Variants in PDE12 observed in about 807,000 individuals in gnomAD.
PDE12 encodes the protein 2',5'-phosphodiesterase 12.
A neutral mutation model predicts 45.4 loss-of-function variants in PDE12; 26 were observed. That is an observed-to-expected ratio of 0.57 (90% CI 0.42 to 0.79). The LOEUF (loss-of-function observed/expected upper bound fraction) is 0.79. Ranked by LOEUF, PDE12 falls within the 30% of genes least tolerant of loss-of-function variation. The pLI, the probability that PDE12 is intolerant of heterozygous loss-of-function variation, is 0.00. For synonymous variants in PDE12, 283 were observed against 323.9 expected, an observed-to-expected ratio of 0.87 and a Z score of 1.36; for missense variants, 668 against 790.0, an observed-to-expected ratio of 0.85 and a Z score of 1.85.
the PDE12 span, among the ~76,000 whole-genome samples, chr3:57,603,557 G>C: frequency 6.6e-6 from 1 of 150,866 alleles, no homozygotes; most frequent in Non-Finnish European, 1.5e-5. Flanking sequence ...GGCTGGTCTT[G>C]AACTCCTGGC....
At chr3:57,582,105 G>A in the PDE12 span, among the ~76,000 whole-genome samples, 1 of 152,068 alleles carries the variant, frequency 6.6e-6, no homozygotes, top group Non-Finnish European at 1.5e-5. Context: ...CAGAAACAGT[G>A]GTTTCTGGTC....
the PDE12 span, chr3:57,645,638 C>T: frequency 6.4e-7 from 1 of 1,556,180 alleles, no homozygotes; most frequent in African/African-American, 1.4e-5. Flanking sequence ...AATACCTGGT[C>T]AATAGAAGTT....
the PDE12 span, among the ~76,000 whole-genome samples, chr3:57,587,234 G>C: frequency 1.3e-5 from 2 of 149,690 alleles, no homozygotes; most frequent in African/African-American, 4.9e-5. Context: ...CAGGAGACTC[G>C]CTTGAACCCA....
At chr3:57,655,105 C>T in the PDE12 span, among the ~76,000 whole-genome samples, 3 of 151,702 alleles carry the variant, frequency 2.0e-5, no homozygotes, top group African/African-American at 4.8e-5. Context: ...ACGATCTCAG[C>T]TCACTGCAAC....
chr3:57,593,755 A>G, the PDE12 span, among the ~76,000 whole-genome samples: 1 of 152,160 alleles, frequency 6.6e-6, no homozygotes, highest in Non-Finnish European at 1.5e-5. Flanking sequence ...AGGACAATGC[A>G]GCCAGGCTCA....
the PDE12 span, among the ~76,000 whole-genome samples, chr3:57,643,115 C>T: frequency 6.6e-6 from 1 of 151,474 alleles, no homozygotes; most frequent in Non-Finnish European, 1.5e-5. Flanking sequence ...ACATGAGAGG[C>T]AGTAAGACTG....
chr3:57,637,485 G>C, the PDE12 span, among the ~76,000 whole-genome samples: 1 of 151,998 alleles, frequency 6.6e-6, no homozygotes, highest in African/African-American at 2.4e-5. Flanking sequence ...CTTCCCTCTT[G>C]GTTCTAAAGA....
chr3:57,587,557 T>C, the PDE12 span, among the ~76,000 whole-genome samples: 2 of 152,076 alleles, frequency 1.3e-5, no homozygotes, highest in African/African-American at 4.8e-5. Context: ...ATTACTTTTA[T>C]GAAAAGAGAA....
chr3:57,651,203 A>G, the PDE12 span, among the ~76,000 whole-genome samples: 2 of 152,222 alleles, frequency 1.3e-5, no homozygotes, highest in Admixed American at 6.5e-5. Context: ...CGCATTCAGT[A>G]TGCTCCTCAA....
At chr3:57,638,537 A>C in the PDE12 span, among the ~76,000 whole-genome samples, 1 of 152,038 alleles carries the variant, frequency 6.6e-6, no homozygotes, top group Admixed American at 6.5e-5. Context: ...GCATGCCTGT[A>C]ATCTCAGCGA....
chr3:57,652,072 T>A, the PDE12 span, among the ~76,000 whole-genome samples: 6 of 152,060 alleles, frequency 3.9e-5, no homozygotes. Context: ...AATAAATAAA[T>A]AACATCTGTC....
the PDE12 span, among the ~76,000 whole-genome samples, chr3:57,640,280 A>C: frequency 2.0e-5 from 3 of 146,666 alleles, no homozygotes; most frequent in Admixed American, 1.3e-4. Flanking sequence ...AAAAAAAAAA[A>C]CAAAAAAAAA....
At chr3:57,631,007 G>T in the PDE12 span, 3 of 1,602,048 alleles carry the variant, frequency 1.9e-6, no homozygotes, top group East Asian at 4.5e-5. Context: ...TTAATAAAAG[G>T]AGTGTCTTCA....
the PDE12 span, chr3:57,572,384 TC>T: frequency 1.0e-6 from 1 of 996,904 alleles, no homozygotes; most frequent in Non-Finnish European, 1.6e-6. Flanking sequence ...AACTTAAGAG[TC>T]TTTTCACACC....
At chr3:57,576,637 G>T in the PDE12 span, among the ~76,000 whole-genome samples, 256 of 151,074 alleles carry the variant, frequency 1.7e-3, no homozygotes, top group African/African-American at 6.0e-3. Context: ...TAGGAGGAAT[G>T]AACAAGAATT....
the PDE12 span, among the ~76,000 whole-genome samples, chr3:57,634,118 T>A: frequency 1.3e-5 from 2 of 151,976 alleles, no homozygotes; most frequent in Non-Finnish European, 2.9e-5. Flanking sequence ...GTCTCCTGAT[T>A]TTCATAAAAC....
chr3:57,615,143 G>C, the PDE12 span, among the ~76,000 whole-genome samples: 1 of 151,930 alleles, frequency 6.6e-6, no homozygotes, highest in Non-Finnish European at 1.5e-5. Flanking sequence ...AAACTCCTGA[G>C]CTCAGACAGC....
chr3:57,576,503 G>GTTT, the PDE12 span, among the ~76,000 whole-genome samples: 1 of 130,904 alleles, frequency 7.6e-6, no homozygotes, highest in African/African-American at 2.9e-5. Flanking sequence ...TCTCAACCAA[G>GTTT]CTTTTTTTTT....
chr3:57,634,696 G>C, the PDE12 span: 1 of 1,535,222 alleles, frequency 6.5e-7, no homozygotes, highest in Non-Finnish European at 8.8e-7. Flanking sequence ...ATCAATAAAA[G>C]TCAATACCAG....
Sources: gnomAD v4.1 joint callset for allele counts (sites outside exome capture counted in the v4.1 genomes callset) on GRCh38, gnomAD v4.1.1 for gene constraint, MANE v1.5 for transcripts, NCBI Gene and HGNC (gene_info 2026-07-23, HGNC 2026-07-21) for gene names.